Variants in NRG3 observed in about 807,000 individuals in gnomAD.
NRG3 encodes the protein neuregulin 3.
NRG3 carries 31 observed loss-of-function variants against 66.9 expected under a neutral mutation model. The ratio of observed to expected loss-of-function variants is 0.46; its 90% CI spans 0.35 to 0.63. The LOEUF (loss-of-function observed/expected upper bound fraction) is 0.63. NRG3 is among the 20% of genes least tolerant of loss of function. NRG3 has a pLI of 0.00. For missense variants in NRG3, 910 were observed against 878.9 expected (o/e 1.04, Z -0.45); for synonymous variants, 393 against 359.4 (o/e 1.09, Z -1.06).
At chr10:82,838,214 T>G (rs575527) in intron 3 of NRG3, among the ~76,000 whole-genome samples, 1 of 151,902 alleles carries the variant, frequency 6.6e-6, no homozygotes, top group Non-Finnish European at 1.5e-5. Flanking sequence ...AGGGAAGCAG[T>G]CAGAGAGAAG....
chr10:82,612,202 C>G (rs993692226), intron 2 of NRG3, among the ~76,000 whole-genome samples: 1 of 152,164 alleles, frequency 6.6e-6, no homozygotes, highest in Admixed American at 6.6e-5. Context: ...AATTTTCTCC[C>G]ACTCTATAGG....
intron 1 of NRG3, among the ~76,000 whole-genome samples, chr10:82,326,568 T>C (rs1419533512): frequency 6.6e-6 from 1 of 152,186 alleles, no homozygotes; most frequent in Non-Finnish European, 1.5e-5. Context: ...CGCCCCATAC[T>C]TCACTGATGC....
chr10:82,816,529 G>A (rs778846948), intron 3 of NRG3, among the ~76,000 whole-genome samples: 7 of 152,204 alleles, frequency 4.6e-5, no homozygotes, highest in Non-Finnish European at 1.0e-4. Flanking sequence ...ATGCTGATTG[G>A]TCCATGGGCA....
At chr10:82,976,815 G>T (rs1007348339) in intron 7 of NRG3, among the ~76,000 whole-genome samples, 1 of 151,912 alleles carries the variant, frequency 6.6e-6, no homozygotes, top group African/African-American at 2.4e-5. Context: ...CCTTTTCTGG[G>T]GCCATGGAGC....
At chr10:81,885,674 C>T (rs1188021941) in intron 1 of NRG3, among the ~76,000 whole-genome samples, 4 of 152,122 alleles carry the variant, frequency 2.6e-5, no homozygotes, top group Admixed American at 6.6e-5. Context: ...TCTAAGATCA[C>T]GTGACACTCA....
At chr10:82,699,250 GGGAAGGAAGGAA>G (rs71822119) in intron 2 of NRG3, among the ~76,000 whole-genome samples, 15 of 148,186 alleles carry the variant, frequency 1.0e-4, no homozygotes, top group South Asian at 4.3e-4. Context: ...GAAGGAAAGA[GGGAAGGAAGGAA>G]GGAAGGAAGG....
At chr10:81,981,478 G>C (rs1222589089) in intron 1 of NRG3, among the ~76,000 whole-genome samples, 2 of 152,158 alleles carry the variant, frequency 1.3e-5, no homozygotes, top group African/African-American at 4.8e-5. Flanking sequence ...CTGCTTTGTG[G>C]GTCCACCGGG....
At chr10:82,854,415 G>A in intron 3 of NRG3, among the ~76,000 whole-genome samples, 1 of 152,280 alleles carries the variant, frequency 6.6e-6, no homozygotes, top group Non-Finnish European at 1.5e-5. Flanking sequence ...GAGCAGAACA[G>A]AATGCTTGGA....
intron 1 of NRG3, among the ~76,000 whole-genome samples, chr10:82,184,081 G>T (rs2073630599): frequency 6.6e-6 from 1 of 152,074 alleles, no homozygotes; most frequent in Non-Finnish European, 1.5e-5. Flanking sequence ...GGGTATATTT[G>T]TTATAGAAGC....
chr10:82,429,218 A>G (rs1243009824), intron 2 of NRG3, among the ~76,000 whole-genome samples: 2 of 152,028 alleles, frequency 1.3e-5, no homozygotes, highest in African/African-American at 4.8e-5. Context: ...TTGTTTTTAA[A>G]TCAGATAGGA....
At chr10:82,905,929 G>A (rs1193222761) in intron 4 of NRG3, among the ~76,000 whole-genome samples, 2 of 152,108 alleles carry the variant, frequency 1.3e-5, no homozygotes, top group East Asian at 3.9e-4. Flanking sequence ...TGTATCCTGA[G>A]GGCAATGGGA....
chr10:82,343,400 C>T (rs1378619792), intron 1 of NRG3, among the ~76,000 whole-genome samples: 3 of 152,052 alleles, frequency 2.0e-5, no homozygotes, highest in Non-Finnish European at 4.4e-5. Context: ...ATAGATGACA[C>T]AAACAAATGG....
At chr10:82,437,904 A>G (rs1267051122) in intron 2 of NRG3, among the ~76,000 whole-genome samples, 1 of 152,174 alleles carries the variant, frequency 6.6e-6, no homozygotes, top group African/African-American at 2.4e-5. Flanking sequence ...CCTGGTGAAC[A>G]GCAAAGATGG....
At chr10:82,473,116 AT>A in intron 2 of NRG3, among the ~76,000 whole-genome samples, 1 of 152,324 alleles carries the variant, frequency 6.6e-6, no homozygotes, top group East Asian at 1.9e-4. Context: ...TTCTAAAGCA[AT>A]CCTGTGATTG....
At chr10:81,973,237 A>T (rs2059995862) in intron 1 of NRG3, among the ~76,000 whole-genome samples, 1 of 152,174 alleles carries the variant, frequency 6.6e-6, no homozygotes. Flanking sequence ...AAAGGACATG[A>T]TCTCAGTTTT....
chr10:82,651,402 A>G (rs2133891426), intron 2 of NRG3, among the ~76,000 whole-genome samples: 1 of 152,356 alleles, frequency 6.6e-6, no homozygotes, highest in East Asian at 1.9e-4. Context: ...ACAAATATTG[A>G]TGAAGTGAAG....
intron 2 of NRG3, among the ~76,000 whole-genome samples, chr10:82,689,228 A>G (rs1453803524): frequency 2.6e-5 from 4 of 152,174 alleles, no homozygotes; most frequent in African/African-American, 4.8e-5. Context: ...TAAAAATGTT[A>G]TCTTCCAGTA....
intron 1 of NRG3, among the ~76,000 whole-genome samples, chr10:81,899,882 TC>T (rs1843867308): frequency 6.6e-6 from 1 of 152,166 alleles, no homozygotes; most frequent in Admixed American, 6.5e-5. Flanking sequence ...GACATCTGGT[TC>T]CCAAAAACAA....
chr10:82,294,833 C>A (rs2079967708), intron 1 of NRG3, among the ~76,000 whole-genome samples: 1 of 152,140 alleles, frequency 6.6e-6, no homozygotes, highest in African/African-American at 2.4e-5. Context: ...TATTTGAGAT[C>A]TGCAGCTACA....
Sources: allele counts gnomAD v4.1 joint callset (sites outside exome capture counted in the v4.1 genomes callset), GRCh38; gene constraint gnomAD v4.1.1; transcripts MANE v1.5; gene names NCBI Gene and HGNC (gene_info 2026-07-23, HGNC 2026-07-21).